The following HSPA6 variants were observed in gnomAD, a reference collection of about 807,000 sequenced individuals.
HSPA6 encodes heat shock 70 kDa protein 6.
For synonymous variants in HSPA6, 312 were observed against 368.2 expected, an observed-to-expected ratio of 0.85 and a Z score of 1.75; for missense variants, 718 against 860.9, an observed-to-expected ratio of 0.83 and a Z score of 2.08.
Position 161,526,680 on chromosome 1 carries a change from A to G in HSPA6, c.*90A>G. 7.5e-7 allele frequency: 1 copy of G among 1,336,576 alleles called. No homozygotes were observed. Among genetic ancestry groups the G allele is most frequent in the Non-Finnish European group, 9.9e-7 (1 of 1,007,406 alleles). The allele number at this position is 1,336,576 out of a possible 1,614,324, so 82.8% of individuals were successfully genotyped here. On this transcript the variant is annotated 3_prime_UTR_variant, in exon 1 of 1. Coordinates refer to ENST00000309758, the MANE Select transcript of HSPA6 (RefSeq NM_002155.5). ...TCTATGATCCTGCCCTTCAGAGATG[A>G]ACTTTCCCTCCAAAGCTAGAACTTT...
Position 161,525,680 on chromosome 1 carries a change from G to T in HSPA6, c.1022G>T (p.Gly341Val). ...AQIHDVVLVG[G>V]STRIPKVQKL... The stretch of plus-strand genomic sequence containing the variant: ...ATTCATGACGTCGTCCTGGTGGGGG[G>T]CTCCACACGCATCCCCAAGGTGCAG... Residue 341 changes from glycine to valine, a missense_variant, in exon 1 of 1, where the codon GGC becomes GTC. Gly to Val is a moderately radical substitution (Grantham distance 109, BLOSUM62 -3). Transcript: ENST00000309758. 1 of 1,613,892 alleles carries T rather than the reference G, an allele frequency of 6.2e-7. No individual in the cohort carries two copies. Among genetic ancestry groups the T allele is most frequent in the Non-Finnish European group, 8.5e-7 (1 of 1,179,904 alleles).
chr1:161,525,458 C>G lies in HSPA6; in HGVS notation c.800C>G (p.Thr267Arg), dbSNP rs751356005. 31 of 1,613,056 alleles carry G rather than the reference C, an allele frequency of 1.9e-5. No homozygotes were observed. The South Asian group carries it at 2.6e-4, about 14-fold the overall frequency. ...AAGCGTGCCCTGCGCAGGCTGCGCA[C>G]AGCCTGTGAGCGCGCCAAGCGCACC... ...GNKRALRRLR[T>R]ACERAKRTLS... The change falls in exon 1 of 1, where the codon ACA (threonine) becomes AGA (arginine). Residue 267 changes from threonine (T) to arginine (R), a missense_variant. Coordinates refer to ENST00000309758, the MANE Select transcript of HSPA6 (RefSeq NM_002155.5).
In HSPA6 at chr1:161,524,682, G is replaced by T. The variant is rs1198063729; in HGVS notation, c.24G>T (p.Ala8=). Residue 8 remains alanine, a synonymous_variant, in exon 1 of 1, where the codon GCG becomes GCT. Coordinates refer to ENST00000309758, the MANE Select transcript of HSPA6 (RefSeq NM_002155.5). MQAPREL[A]VGIDLGTTYS... ...CCATGCAGGCCCCACGGGAGCTCGC[G>T]GTGGGCATCGACCTGGGCACCACCT... is the stretch of plus-strand genomic sequence containing the variant. 1.4e-6 allele frequency: 2 copies of T among 1,398,826 alleles called. No individual in the cohort carries two copies. The highest frequency in any genetic ancestry group is 2.0e-5 in the Admixed American group (1 of 50,260). The allele number at this position is 1,398,826 out of a possible 1,614,324, so 86.7% of individuals were successfully genotyped here.
Position 161,525,088 on chromosome 1 carries a change from G to C in HSPA6, c.430G>C (p.Ala144Pro). ...GTACCTGGGCCAGCCCGTGAAGCAC[G>C]CAGTGATCACCGTGCCCGCCTATTT... ...EAYLGQPVKH[A>P]VITVPAYFND... Residue 144 changes from alanine to proline, a missense_variant, in exon 1 of 1, where the codon GCA (alanine) becomes CCA (proline). Physicochemically the swap from Ala to Pro is conservative, Grantham distance 27 (BLOSUM62 -1). Coordinates refer to ENST00000309758, the MANE Select transcript of HSPA6 (RefSeq NM_002155.5). 6.2e-7 allele frequency: 1 copy of C among 1,613,528 alleles called. No individual in the cohort carries two copies. Among genetic ancestry groups the C allele is most frequent in the Non-Finnish European group, 8.5e-7 (1 of 1,179,930 alleles).
At position 161,525,238 on chromosome 1, in the gene HSPA6, G is replaced by A. The variant is rs41297714; in HGVS notation, c.580G>A (p.Glu194Lys). The A allele has an allele frequency of 9.4e-5, 152 of 1,612,554 alleles. 2 individuals are homozygous for A. The highest frequency in any genetic ancestry group is 3.8e-4 in the East Asian group (17 of 44,736). Residue 194 changes from glutamate to lysine, a missense_variant, in exon 1 of 1, where the codon GAG (glutamate) becomes AAG (lysine). Glu to Lys is a moderately conservative substitution (Grantham distance 56). Transcript: ENST00000309758. The stretch of plus-strand genomic sequence containing the variant: ...TGGGCTGGACCGGCGGGGCGCGGGA[G>A]AGCGCAACGTGCTCATTTTTGACCT... ...AYGLDRRGAG[E>K]RNVLIFDLGG...
rs1434252092 is a variant in HSPA6 at position 161,526,084 on chromosome 1, A to G, written c.1426A>G (p.Ile476Val). 6 of 1,613,712 alleles carry G rather than the reference A, an allele frequency of 3.7e-6. No individual in the cohort carries two copies. In the African/African-American group the frequency reaches 8.0e-5, roughly 22 times the overall value. ...IPPAPRGVPQ[I>V]EVTFDIDANG... is the part of the protein sequence containing the mutation. ...TCCTGCCCCACGTGGAGTCCCCCAG[A>G]TAGAGGTGACTTTTGACATTGATGC... Residue 476 changes from isoleucine to valine, a missense_variant, in exon 1 of 1, where the codon ATA becomes GTA. Ile to Val is a conservative substitution (Grantham distance 29). Transcript: ENST00000309758.
Position 161,525,574 on chromosome 1 carries a change from G to A in HSPA6, c.916G>A (p.Glu306Lys), listed in dbSNP as rs748365478. The change falls in exon 1 of 1, where the codon GAA becomes AAA. Residue 306 changes from glutamate to lysine, a missense_variant. Glu to Lys is a moderately conservative substitution (Grantham distance 56). Coordinates refer to ENST00000309758, the MANE Select transcript of HSPA6 (RefSeq NM_002155.5). Reference sequence around the variant, plus strand: ...GTCCATCACTCGTGCCCGCTTTGAGGAACTGTGCTCAGACCTCTTCCGCAG... The same window carrying A: ...GTCCATCACTCGTGCCCGCTTTGAGAAACTGTGCTCAGACCTCTTCCGCAG... ...YTSITRARFE[E>K]LCSDLFRSTL... is the part of the protein sequence containing the mutation. The A allele has an allele frequency of 5.3e-5, 85 of 1,613,392 alleles. 5 individuals carry two copies. In the South Asian group the frequency reaches 9.2e-4, roughly 18 times the overall value.
Position 161,525,506 on chromosome 1 carries a change from C to A in HSPA6, c.848C>A (p.Thr283Asn), listed in dbSNP as rs748183765. Residue 283 changes from threonine (T) to asparagine (N), a missense_variant, in exon 1 of 1, where the codon ACC (threonine) becomes AAC (asparagine). By Grantham distance (65) the Thr-to-Asn change is moderately conservative. Coordinates refer to ENST00000309758, the MANE Select transcript of HSPA6 (RefSeq NM_002155.5). ...ACCCTGTCCTCCAGCACCCAGGCCACCCTGGAGATAGACTCCCTGTTCGAG... is the reference window on the plus strand; with the variant it reads ...ACCCTGTCCTCCAGCACCCAGGCCAACCTGGAGATAGACTCCCTGTTCGAG... Reference protein sequence around the residue: ...KRTLSSSTQATLEIDSLFEGV... With the variant: ...KRTLSSSTQANLEIDSLFEGV... 2 of 1,613,592 alleles carry A rather than the reference C, an allele frequency of 1.2e-6. No individual in the cohort carries two copies. The highest frequency in any genetic ancestry group is 1.7e-6 in the Non-Finnish European group (2 of 1,179,748).
chr1:161,525,422 T>C lies in HSPA6; in HGVS notation c.764T>C (p.Leu255Pro). ...TTCCGGCGGAAGCATGGGAAGGACCTGAGCGGGAACAAGCGTGCCCTGCGC... is the reference window on the plus strand; with the variant it reads ...TTCCGGCGGAAGCATGGGAAGGACCCGAGCGGGAACAAGCGTGCCCTGCGC... ...EEFRRKHGKD[L>P]SGNKRALRRL... The change falls in exon 1 of 1, where the codon CTG becomes CCG. Residue 255 changes from leucine to proline, a missense_variant. By Grantham distance (98) the Leu-to-Pro change is moderately conservative. Coordinates refer to ENST00000309758, the MANE Select transcript of HSPA6 (RefSeq NM_002155.5). The C allele has an allele frequency of 6.2e-7, 1 of 1,610,882 alleles. No individual in the cohort carries two copies.
Position 161,526,446 on chromosome 1 carries a change from T to A in HSPA6, c.1788T>A (p.His596Gln), listed in dbSNP as rs750891673. Residue 596 changes from histidine to glutamine, a missense_variant, in exon 1 of 1, where the codon CAT (histidine) becomes CAA (glutamine). By Grantham distance (24) the His-to-Gln change is conservative. Transcript: ENST00000309758. ...TGGCAGAGAAGGAGGAGTATGAGCA[T>A]CAGAAGAGGGAGCTGGAGCAAATCT... ...NQLAEKEEYE[H>Q]QKRELEQICR... 10 of 1,581,436 alleles carry A rather than the reference T, an allele frequency of 6.3e-6. No individual in the cohort carries two copies. The African/African-American group carries it at 1.2e-4, about 19-fold the overall frequency.
rs2102503529 is a variant in HSPA6, at chr1:161,526,669, C to T, written c.*79C>T. On this transcript the variant is annotated 3_prime_UTR_variant, in exon 1 of 1. Coordinates refer to ENST00000309758, the MANE Select transcript of HSPA6 (RefSeq NM_002155.5). ...CTAGACTGTCTTCTATGATCCTGCC[C>T]TTCAGAGATGAACTTTCCCTCCAAA... 1.5e-6 allele frequency: 2 copies of T among 1,362,504 alleles called. No individual in the cohort carries two copies. The highest frequency in any genetic ancestry group is 3.5e-5 in the South Asian group (2 of 57,664). 84.4% of individuals were successfully genotyped at this position (1,362,504 alleles called of 1,614,324 possible).
At position 161,525,183 on chromosome 1, in the gene HSPA6, C is replaced by G; in HGVS notation, c.525C>G (p.Ile175Met). 6.2e-7 allele frequency: 1 copy of G among 1,613,966 alleles called. No homozygotes were observed. Among genetic ancestry groups the G allele is most frequent in the Non-Finnish European group, 8.5e-7 (1 of 1,179,964 alleles). ...AIAGLNVLRI[I>M]NEPTAAAIAY... is the part of the protein sequence containing the mutation. ...CGGGGCTCAACGTGTTGCGGATCAT[C>G]AATGAGCCCACGGCAGCTGCCATCG... The change falls in exon 1 of 1, where the codon ATC becomes ATG. Residue 175 changes from isoleucine (I) to methionine (M), a missense_variant. Ile to Met is a conservative substitution (Grantham distance 10). Coordinates refer to ENST00000309758, the MANE Select transcript of HSPA6 (RefSeq NM_002155.5).
In HSPA6 at chr1:161,525,792, G is replaced by T; in HGVS notation, c.1134G>T (p.Gln378His). The change falls in exon 1 of 1, where the codon CAG (glutamine) becomes CAT (histidine). Residue 378 changes from glutamine (Q) to histidine (H), a missense_variant. Transcript: ENST00000309758. ...DEAVAYGAAV[Q>H]AAVLMGDKCE... ...CTGTGGCCTATGGGGCTGCTGTGCA[G>T]GCGGCCGTGTTGATGGGGGACAAAT... The T allele has an allele frequency of 6.2e-7, 1 of 1,602,156 alleles. No individual in the cohort carries two copies. The highest frequency in any genetic ancestry group is 8.5e-7 in the Non-Finnish European group (1 of 1,173,070).
rs976808057 is a variant in HSPA6 at position 161,526,886 on chromosome 1, A to G, written c.*296A>G. 1.0e-5 allele frequency: 3 copies of G among 300,608 alleles called. No homozygotes were observed. The highest frequency in any genetic ancestry group is 6.2e-5 in the East Asian group (1 of 16,108). 18.6% of individuals were successfully genotyped at this position (300,608 alleles called of 1,614,324 possible). The stretch of plus-strand genomic sequence containing the variant: ...ATTTTGTTATGTAAAATATAGTTAT[A>G]GACCTAAATAAGCTTTTAAAACTCC... On this transcript the variant is annotated 3_prime_UTR_variant, in exon 1 of 1. Coordinates refer to ENST00000309758, the MANE Select transcript of HSPA6 (RefSeq NM_002155.5).
rs1425074755 is a variant in HSPA6 at position 161,526,871 on chromosome 1, G to A, written c.*281G>A. On this transcript the variant is annotated 3_prime_UTR_variant, in exon 1 of 1. Transcript: ENST00000309758. ...TACTTGCATGTATGAATTTTGTTAT[G>A]TAAAATATAGTTATAGACCTAAATA... is the stretch of plus-strand genomic sequence containing the variant. The A allele has an allele frequency of 2.7e-5, 9 of 339,174 alleles. No individual in the cohort carries two copies. Among genetic ancestry groups the A allele is most frequent in the African/African-American group, 6.4e-5 (3 of 46,786 alleles). The allele number at this position is 339,174 out of a possible 1,614,324, so 21.0% of individuals were successfully genotyped here.
In HSPA6 at chr1:161,525,052, A is replaced by T. The variant is rs1290830548; in HGVS notation, c.394A>T (p.Thr132Ser). The T allele has an allele frequency of 2.5e-6, 4 of 1,612,772 alleles. No homozygotes were observed. The highest frequency in any genetic ancestry group is 1.7e-5 in the Admixed American group (1 of 59,908). The change falls in exon 1 of 1, where the codon ACG becomes TCG. Residue 132 changes from threonine (T) to serine (S), a missense_variant. By Grantham distance (58) the Thr-to-Ser change is moderately conservative. Transcript: ENST00000309758. ...SSMVLSKMKETAEAYLGQPVK... is the reference protein window; with the variant it reads ...SSMVLSKMKESAEAYLGQPVK... ...CATGGTGCTGAGCAAGATGAAGGAGACGGCCGAGGCGTACCTGGGCCAGCC... is the reference window on the plus strand; with the variant it reads ...CATGGTGCTGAGCAAGATGAAGGAGTCGGCCGAGGCGTACCTGGGCCAGCC...
chr1:161,524,540 A>T lies in HSPA6; in HGVS notation c.-119A>T. The T allele has an allele frequency of 1.5e-6, 2 of 1,325,130 alleles. No homozygotes were observed. Among genetic ancestry groups the T allele is most frequent in the Non-Finnish European group, 1.0e-6 (1 of 963,116 alleles). 82.1% of individuals were successfully genotyped at this position (1,325,130 alleles called of 1,614,324 possible). The stretch of plus-strand genomic sequence containing the variant: ...AAAGCCGGTGGAAGCGGAGCTGAGC[A>T]GATCCGAGCCGGGCTGGCTGCAGAG... On this transcript the variant is annotated 5_prime_UTR_variant, in exon 1 of 1. Transcript: ENST00000309758.
Position 161,524,739 on chromosome 1 carries a change from C to G in HSPA6, c.81C>G (p.Arg27=). 1 of 1,483,844 alleles carries G rather than the reference C, an allele frequency of 6.7e-7. No individual in the cohort carries two copies. 91.9% of individuals were successfully genotyped at this position (1,483,844 alleles called of 1,614,324 possible). ...GCGTGGGCGTGTTTCAGCAGGGCCG[C>G]GTGGAGATCCTGGCCAACGACCAGG... ...YSCVGVFQQG[R]VEILANDQGN... Residue 27 remains arginine (R), a synonymous_variant, in exon 1 of 1, where the codon CGC becomes CGG. Coordinates refer to ENST00000309758, the MANE Select transcript of HSPA6 (RefSeq NM_002155.5).
At position 161,525,883 on chromosome 1, in the gene HSPA6, G is replaced by A. The variant is rs1676679906; in HGVS notation, c.1225G>A (p.Gly409Ser). Residue 409 changes from glycine (G) to serine (S), a missense_variant, in exon 1 of 1, where the codon GGT (glycine) becomes AGT (serine). Gly to Ser is a moderately conservative substitution (Grantham distance 56). Coordinates refer to ENST00000309758, the MANE Select transcript of HSPA6 (RefSeq NM_002155.5). ...CCTGTCTCTGGGGCTGGAGACAGCA[G>A]GTGGGGTGATGACCACGCTGATCCA... is the stretch of plus-strand genomic sequence containing the variant. ...APLSLGLETAGGVMTTLIQRN... is the reference protein window; with the variant it reads ...APLSLGLETASGVMTTLIQRN... 4.4e-6 allele frequency: 7 copies of A among 1,593,958 alleles called. No individual in the cohort carries two copies. The highest frequency in any genetic ancestry group is 4.5e-5 in the East Asian group (2 of 44,654).
Sources: allele counts gnomAD v4.1 joint callset, GRCh38; gene constraint gnomAD v4.1.1; transcripts MANE v1.5; gene names NCBI Gene and HGNC (gene_info 2026-07-23, HGNC 2026-07-21).